TPH2: variants seen among roughly 807,000 people sequenced by gnomAD.
TPH2 encodes the protein tryptophan 5-hydroxylase 2.
TPH2 carries 27 observed loss-of-function variants against 59.1 expected under a neutral mutation model. That is an observed-to-expected ratio of 0.46 (90% CI 0.34 to 0.63). The LOEUF is 0.63. Ranked by LOEUF, TPH2 falls within the 30% of genes least tolerant of loss-of-function variation. The pLI is 0.01. For missense variants in TPH2, 523 were observed against 588.3 expected, an observed-to-expected ratio of 0.89 and a Z score of 1.15; for synonymous variants, 220 against 210.5, an observed-to-expected ratio of 1.05 and a Z score of -0.39.
At chr12:71,958,948 T>C (rs910920392) in intron 5 of TPH2, among the ~76,000 whole-genome samples, 2 of 152,176 alleles carry the variant, frequency 1.3e-5, no homozygotes, top group African/African-American at 4.8e-5. Context: ...ACATTCAATT[T>C]GGGTGAGCTT....
At chr12:71,956,357 C>T (rs1162885040) in intron 5 of TPH2, among the ~76,000 whole-genome samples, 1 of 152,052 alleles carries the variant, frequency 6.6e-6, no homozygotes, top group Non-Finnish European at 1.5e-5. Flanking sequence ...TCACTGAGGA[C>T]CATCTGGGAG....
At chr12:71,985,055 T>A (rs1872392074) in intron 7 of TPH2, among the ~76,000 whole-genome samples, 1 of 152,238 alleles carries the variant, frequency 6.6e-6, no homozygotes, top group Admixed American at 6.5e-5. Flanking sequence ...TTACTGTTAA[T>A]AGCACCAGAC....
chr12:72,023,285 A>G (rs909724878), intron 9 of TPH2, among the ~76,000 whole-genome samples: 1 of 152,236 alleles, frequency 6.6e-6, no homozygotes, highest in Non-Finnish European at 1.5e-5. Context: ...AGGATTGTGG[A>G]CCATTCTTGA....
intron 4 of TPH2, among the ~76,000 whole-genome samples, chr12:71,949,060 T>C (rs567173385): frequency 1.3e-5 from 2 of 152,332 alleles, no homozygotes; most frequent in South Asian, 4.1e-4. Flanking sequence ...CGATTTTGCA[T>C]TATGTGGCTG....
rs1470133360 is a variant in TPH2 at position 71,938,959 on chromosome 12, G to T, written c.-28G>T. On this transcript the variant is annotated 5_prime_UTR_variant, in exon 1 of 11. Transcript: ENST00000333850. Reference sequence around the variant, plus strand: ...TACTGCCCCTCTAGTACCCCCTGCTGCAGAGAAAGAATATTACACCGGGAT... The same window carrying T: ...TACTGCCCCTCTAGTACCCCCTGCTTCAGAGAAAGAATATTACACCGGGAT... 2 of 1,589,718 alleles carry T rather than the reference G, an allele frequency of 1.3e-6. No individual in the cohort carries two copies. The highest frequency in any genetic ancestry group is 3.3e-5 in the Admixed American group (2 of 59,964).
At chr12:72,025,528 T>C (rs1255750735) in intron 9 of TPH2, among the ~76,000 whole-genome samples, 2 of 152,204 alleles carry the variant, frequency 1.3e-5, no homozygotes, top group Non-Finnish European at 2.9e-5. Context: ...ACAATACTAA[T>C]TCTTTTTGAA....
In TPH2 at chr12:71,947,961, G is replaced by A. The variant is rs150282351; in HGVS notation, c.541-1627G>A. Among the ~76,000 whole-genome samples the A allele has an allele frequency of 8.4e-4, 128 of 152,236 alleles. 4 individuals are homozygous for A. The East Asian group carries it at 0.014, about 17-fold the overall frequency. On this transcript the variant is annotated intron_variant, in intron 4 of 10. Coordinates refer to ENST00000333850, the MANE Select transcript of TPH2 (RefSeq NM_173353.4). ...ACAGATGCTGTGCTTTTCACAGGAC[G>A]CTTTTCCTTTTGTCATGGCCTGTTT...
At chr12:71,965,791 G>C (rs1008984982) in intron 5 of TPH2, among the ~76,000 whole-genome samples, 3 of 152,264 alleles carry the variant, frequency 2.0e-5, no homozygotes, top group Non-Finnish European at 2.9e-5. Context: ...AGTTCCTTTT[G>C]CTGCGCAGAA....
chr12:72,031,960 C>T lies in TPH2; in HGVS notation c.*265C>T, dbSNP rs1484084143. 8.6e-6 allele frequency: 4 copies of T among 466,798 alleles called. No homozygotes were observed. In the East Asian group the frequency reaches 1.7e-4, roughly 19 times the overall value. 28.9% of individuals were successfully genotyped at this position (466,798 alleles called of 1,614,324 possible). ...TGACATTCCTGCTTAGTGTCCTTAACCAAACTGCATCTAGTTAAAATTTGT... is the reference window on the plus strand; with the variant it reads ...TGACATTCCTGCTTAGTGTCCTTAATCAAACTGCATCTAGTTAAAATTTGT... On this transcript the variant is annotated 3_prime_UTR_variant, in exon 11 of 11. Transcript: ENST00000333850.
intron 9 of TPH2, among the ~76,000 whole-genome samples, chr12:72,026,433 G>A (rs936226580): frequency 6.6e-6 from 1 of 152,122 alleles, no homozygotes; most frequent in Admixed American, 6.6e-5. Context: ...TTTATTACAA[G>A]CAATTTGTAT....
At chr12:71,997,448 A>G (rs961434060) in intron 8 of TPH2, among the ~76,000 whole-genome samples, 1 of 152,216 alleles carries the variant, frequency 6.6e-6, no homozygotes, top group African/African-American at 2.4e-5. Flanking sequence ...GGAAAAATGA[A>G]TACTCATACC....
chr12:71,961,826 G>T, intron 5 of TPH2: 1 of 1,172,088 alleles, frequency 8.5e-7, no homozygotes, highest in Non-Finnish European at 1.1e-6. Flanking sequence ...TAATTTCTAG[G>T]AGTTAAATCT....
chr12:71,979,332 G>T (rs1027917246), intron 7 of TPH2, among the ~76,000 whole-genome samples: 4 of 152,130 alleles, frequency 2.6e-5, no homozygotes, highest in African/African-American at 9.7e-5. Flanking sequence ...TGAGCCATCT[G>T]CTTGGCCAGA....
chr12:71,979,728 G>A (rs1001364515), intron 7 of TPH2, among the ~76,000 whole-genome samples: 1 of 152,200 alleles, frequency 6.6e-6, no homozygotes, highest in African/African-American at 2.4e-5. Context: ...CTCTGACATG[G>A]GTAAGAAGCA....
intron 9 of TPH2, among the ~76,000 whole-genome samples, chr12:72,027,411 C>T (rs1251793345): frequency 1.3e-5 from 2 of 152,168 alleles, no homozygotes; most frequent in African/African-American, 4.8e-5. Flanking sequence ...CATCCATTAC[C>T]TCATTTAATT....
intron 5 of TPH2, among the ~76,000 whole-genome samples, chr12:71,969,678 T>C (rs1871919073): frequency 1.3e-5 from 2 of 152,188 alleles, no homozygotes; most frequent in African/African-American, 4.8e-5. Flanking sequence ...TACACATACC[T>C]ATAAACCTTA....
intron 8 of TPH2, among the ~76,000 whole-genome samples, chr12:72,005,610 T>C (rs1872934585): frequency 6.6e-6 from 1 of 152,166 alleles, no homozygotes; most frequent in African/African-American, 2.4e-5. Context: ...CAAACACTTG[T>C]GCTGTCAGGA....
In TPH2 at chr12:71,944,581, A is replaced by AACAG. The variant is rs759414385; in HGVS notation, c.440-3_440dup. 1 of 1,613,896 alleles carries AACAG rather than the reference A, an allele frequency of 6.2e-7. No homozygotes were observed. The highest frequency in any genetic ancestry group is 1.7e-5 in the Admixed American group (1 of 59,984). On this transcript the variant is annotated splice_region_variant and splice_polypyrimidine_tract_variant and intron_variant, in intron 3 of 10. Transcript: ENST00000333850. ...ATATTTTTGAACCTGCACTGTTTTCAACAGAGCTAGAGGATGTGCCCTGGT... is the reference window on the plus strand; with the variant it reads ...ATATTTTTGAACCTGCACTGTTTTCAACAGACAGAGCTAGAGGATGTGCCCTGGT...
intron 8 of TPH2, among the ~76,000 whole-genome samples, chr12:72,013,827 A>G (rs922859317): frequency 2.6e-5 from 4 of 152,148 alleles, no homozygotes; most frequent in African/African-American, 4.8e-5. Context: ...ACTGATCGCT[A>G]TGGACCAGCC....
Sources: allele counts gnomAD v4.1 joint callset (sites outside exome capture counted in the v4.1 genomes callset), GRCh38; gene constraint gnomAD v4.1.1; transcripts MANE v1.5; gene names NCBI Gene and HGNC (gene_info 2026-07-23, HGNC 2026-07-21).